The following SOS1 variants were observed in gnomAD, a reference collection of about 807,000 sequenced individuals.
SOS1 encodes the protein son of sevenless homolog 1.
SOS1 carries 25 observed loss-of-function variants against 157.6 expected under a neutral mutation model. The ratio of observed to expected loss-of-function variants is 0.16; its 90% CI spans 0.12 to 0.22. The LOEUF is 0.22. Among genes scored for constraint, SOS1 ranks in the 10% least tolerant of loss-of-function variants. The probability of loss-of-function intolerance (pLI) is 1.00; values close to 1 mark genes in which losing one functional copy is unlikely to be tolerated. For missense variants in SOS1, 1,237 were observed against 1,599.1 expected, an observed-to-expected ratio of 0.77 and a Z score of 3.86; for synonymous variants, 528 against 534.0, an observed-to-expected ratio of 0.99 and a Z score of 0.16.
chr2:39,001,802 T>C (rs1476603631), intron 17 of SOS1, among the ~76,000 whole-genome samples: 3 of 152,164 alleles, frequency 2.0e-5, no homozygotes, highest in African/African-American at 7.2e-5. Context: ...CCAGGGTCAG[T>C]TGTAGATAAA....
intron 1 of SOS1, among the ~76,000 whole-genome samples, chr2:39,079,342 T>TC (rs1466618779): frequency 6.6e-6 from 1 of 152,128 alleles, no homozygotes; most frequent in African/African-American, 2.4e-5. Context: ...CAAACTATGT[T>TC]CATTGTTTAT....
At chr2:39,042,520 C>T (rs1670606080) in intron 6 of SOS1, among the ~76,000 whole-genome samples, 1 of 151,932 alleles carries the variant, frequency 6.6e-6, no homozygotes. Flanking sequence ...TCTCCTGCCT[C>T]AACCTCCTGA....
At position 38,986,006 on chromosome 2, in the gene SOS1, G is replaced by A; in HGVS notation, c.3820C>T (p.Pro1274Ser). 6.2e-7 allele frequency: 1 copy of A among 1,613,980 alleles called. No individual in the cohort carries two copies. The highest frequency in any genetic ancestry group is 8.5e-7 in the Non-Finnish European group (1 of 1,179,898). The change falls in exon 23 of 23, where the codon CCA becomes TCA. Residue 1274 changes from proline to serine, a missense_variant. Transcript: ENST00000402219. Reference sequence around the variant, plus strand: ...ACTTCTTGTGTCAATGGTGGTGATGGCAGATGCCTTCTTGTGCCGTGAGGA... The same window carrying A: ...ACTTCTTGTGTCAATGGTGGTGATGACAGATGCCTTCTTGTGCCGTGAGGA... ...PSPHGTRRHL[P>S]SPPLTQEVDL...
intron 6 of SOS1, among the ~76,000 whole-genome samples, chr2:39,037,710 T>C (rs1397902079): frequency 1.3e-5 from 2 of 152,152 alleles, no homozygotes; most frequent in African/African-American, 4.8e-5. Context: ...TAATTTTGTC[T>C]CTGTGTCGAA....
chr2:39,079,576 C>G (rs1672132932), intron 1 of SOS1, among the ~76,000 whole-genome samples: 2 of 144,952 alleles, frequency 1.4e-5, no homozygotes, highest in African/African-American at 5.2e-5. Context: ...CTCACTGCAA[C>G]CTCCACCTCC....
chr2:39,087,245 T>G (rs958926630), intron 1 of SOS1, among the ~76,000 whole-genome samples: 5 of 152,232 alleles, frequency 3.3e-5, no homozygotes, highest in African/African-American at 1.2e-4. Flanking sequence ...TAATTAGTAT[T>G]TATTAAGTAT....
chr2:39,035,021 T>C (rs1219125086), intron 8 of SOS1, among the ~76,000 whole-genome samples, 191 bp downstream of exon 8: 1 of 151,284 alleles, frequency 6.6e-6, no homozygotes, highest in Admixed American at 6.6e-5. Flanking sequence ...ACAACAAAAA[T>C]AAAATTCACT....
intron 1 of SOS1, among the ~76,000 whole-genome samples, chr2:39,079,209 G>A (rs988172917): frequency 1.3e-5 from 2 of 152,220 alleles, no homozygotes; most frequent in African/African-American, 4.8e-5. Context: ...ACAAATGAAT[G>A]ACCTAAAAGT....
chr2:39,107,564 C>A (rs1411065458), intron 1 of SOS1, among the ~76,000 whole-genome samples: 1 of 150,544 alleles, frequency 6.6e-6, no homozygotes, highest in African/African-American at 2.4e-5. Context: ...TTTCACCTAA[C>A]AAATTTCTTA....
intron 1 of SOS1, among the ~76,000 whole-genome samples, chr2:39,070,657 A>G (rs572342283): frequency 1.3e-5 from 2 of 152,320 alleles, no homozygotes; most frequent in South Asian, 4.1e-4. Flanking sequence ...AACATGAAAA[A>G]AAGAAGAACT....
chr2:39,034,593 A>G (rs976841193), intron 8 of SOS1, among the ~76,000 whole-genome samples: 1 of 152,256 alleles, frequency 6.6e-6, no homozygotes, highest in Middle Eastern at 3.2e-3. Context: ...ATTTCAGTAT[A>G]TAACAGGAAA....
intron 17 of SOS1, among the ~76,000 whole-genome samples, chr2:39,001,363 G>GAA (rs974428232): frequency 1.4e-4 from 21 of 152,106 alleles, no homozygotes; most frequent in African/African-American, 4.8e-4. Flanking sequence ...GCGCCCAGCT[G>GAA]AAAAAATTCA....
chr2:39,112,897 C>T (rs866493391), intron 1 of SOS1, among the ~76,000 whole-genome samples: 8 of 152,020 alleles, frequency 5.3e-5, no homozygotes, highest in African/African-American at 1.7e-4. Flanking sequence ...AGATTAGCTG[C>T]GTGTGATGGA....
intron 5 of SOS1, among the ~76,000 whole-genome samples, chr2:39,053,017 G>T (rs913877782): frequency 6.6e-6 from 1 of 152,150 alleles, no homozygotes; most frequent in Non-Finnish European, 1.5e-5. Flanking sequence ...GCCAGGCGTG[G>T]TGGCACACAC....
chr2:39,030,754 T>A (rs1036166345), intron 8 of SOS1, among the ~76,000 whole-genome samples: 1 of 152,188 alleles, frequency 6.6e-6, no homozygotes, highest in African/African-American at 2.4e-5. Flanking sequence ...TACCTATGAA[T>A]GTGATCTTCT....
intron 9 of SOS1, 44 bp downstream of exon 9, chr2:39,023,966 A>G (rs778582641): frequency 1.0e-5 from 15 of 1,436,358 alleles, no homozygotes; most frequent in Non-Finnish European, 1.5e-5. Flanking sequence ...TTACACCACA[A>G]TATTCAGGGA....
rs182629719 is a variant in SOS1 at position 39,004,821 on chromosome 2, A to G, written c.2791+1591T>C. 2.0e-5 allele frequency among the ~76,000 whole-genome samples: 3 copies of G among 152,326 alleles called. No individual in the cohort carries two copies. The East Asian group carries it at 5.8e-4, about 29-fold the overall frequency. ...ATCTCCACAGTAATCAAAGAATGGA[A>G]ATTATTGCAACAAATAGCTTAGTAG... On this transcript the variant is annotated intron_variant, in intron 17 of 22. Transcript: ENST00000402219.
intron 8 of SOS1, among the ~76,000 whole-genome samples, chr2:39,026,761 T>C (rs1364924145): frequency 6.6e-6 from 1 of 152,208 alleles, no homozygotes; most frequent in Non-Finnish European, 1.5e-5. Context: ...GAAAGCTATA[T>C]ACCAGGGGTA....
At chr2:39,028,217 C>G (rs1670033186) in intron 8 of SOS1, among the ~76,000 whole-genome samples, 2 of 151,980 alleles carry the variant, frequency 1.3e-5, no homozygotes, top group African/African-American at 4.8e-5. Flanking sequence ...TTTTTTTGGT[C>G]CCTTAGAAAT....
Sources: allele counts gnomAD v4.1 joint callset (sites outside exome capture counted in the v4.1 genomes callset), GRCh38; gene constraint gnomAD v4.1.1; transcripts MANE v1.5; gene names NCBI Gene and HGNC (gene_info 2026-07-23, HGNC 2026-07-21).